FAH: variants seen among roughly 807,000 people sequenced by gnomAD.
FAH encodes the protein fumarylacetoacetate hydrolase.
Under a neutral mutation model 55.8 loss-of-function variants are expected in FAH, and 47 were observed. That is an observed-to-expected ratio of 0.84 (90% CI 0.67 to 1.07). The LOEUF (loss-of-function observed/expected upper bound fraction) is 1.07. Among genes scored for constraint, FAH ranks in the 50% least tolerant of loss-of-function variants. FAH has a pLI of 0.00. For missense variants in FAH, 495 were observed against 545.9 expected (o/e 0.91, Z 0.93); for synonymous variants, 199 against 207.7 (o/e 0.96, Z 0.36).
chr15:80,172,458 T>G (rs2041249477), intron 8 of FAH, among the ~76,000 whole-genome samples: 1 of 152,104 alleles, frequency 6.6e-6, no homozygotes, highest in Non-Finnish European at 1.5e-5. Flanking sequence ...CTCGAGTGGC[T>G]AGGGACACGG....
intron 3 of FAH, 200 bp from the exon 4 acceptor site, chr15:80,160,210 T>C: frequency 1.5e-6 from 1 of 675,466 alleles, no homozygotes; most frequent in Non-Finnish European, 2.7e-6. Context: ...TCCCATTTCC[T>C]AGGGTAGAAT....
At chr15:80,167,771 A>G (rs1365353621) in intron 5 of FAH, among the ~76,000 whole-genome samples, 1 of 152,030 alleles carries the variant, frequency 6.6e-6, no homozygotes, top group Non-Finnish European at 1.5e-5. Context: ...GCCTCATGTG[A>G]TCTGCCCACC....
chr15:80,179,771 A>G (rs2041313961), intron 11 of FAH, among the ~76,000 whole-genome samples: 1 of 152,204 alleles, frequency 6.6e-6, no homozygotes, highest in African/African-American at 2.4e-5. Context: ...TTCCCAGGGC[A>G]GAGTGGAGTG....
At chr15:80,157,869 T>C (rs1346263124) in intron 1 of FAH, 191 bp from the exon 2 acceptor site, 1 of 622,868 alleles carries the variant, frequency 1.6e-6, no homozygotes, top group East Asian at 2.8e-5. Flanking sequence ...TTTTTCCTTT[T>C]AGTTCTGGAA....
At chr15:80,172,027 G>A (rs776631513) in intron 7 of FAH, 122 bp from the exon 8 acceptor site, 1 of 786,456 alleles carries the variant, frequency 1.3e-6, no homozygotes, top group South Asian at 1.4e-5. Flanking sequence ...TTCATGCCAG[G>A]CCCCTGTGGC....
chr15:80,175,177 C>T, intron 10 of FAH, 86 bp downstream of exon 10: 1 of 1,266,502 alleles, frequency 7.9e-7, no homozygotes, highest in Admixed American at 1.7e-5. Context: ...TGAGCTTTGG[C>T]AAGGGTGAGG....
chr15:80,169,298 G>A (rs1183793230), intron 7 of FAH, among the ~76,000 whole-genome samples: 7 of 151,996 alleles, frequency 4.6e-5, no homozygotes, highest in South Asian at 2.1e-4. Context: ...CAGGAGAATC[G>A]CTTGAACTGA....
intron 1 of FAH, among the ~76,000 whole-genome samples, chr15:80,154,204 A>G (rs1393214867): frequency 6.6e-6 from 1 of 152,230 alleles, no homozygotes; most frequent in African/African-American, 2.4e-5. Context: ...TGTGATGGCC[A>G]ACAACCTTTC....
intron 6 of FAH, 39 bp downstream of exon 6, chr15:80,168,188 C>T (rs752167534): frequency 1.2e-6 from 2 of 1,610,052 alleles, no homozygotes; most frequent in Non-Finnish European, 1.7e-6. Flanking sequence ...TGGTACCCAG[C>T]TCTCTGTTCC....
chr15:80,162,189 C>T, intron 4 of FAH, 57 bp from the exon 5 acceptor site: 2 of 1,350,788 alleles, frequency 1.5e-6, no homozygotes, highest in Non-Finnish European at 2.1e-6. Context: ...TGGAACAGTC[C>T]ATTCTTCCTG....
chr15:80,161,801 T>G (rs1043670491), intron 4 of FAH, among the ~76,000 whole-genome samples: 1 of 152,162 alleles, frequency 6.6e-6, no homozygotes, highest in Non-Finnish European at 1.5e-5. Context: ...GAAGAGATCC[T>G]GCTAGAGAGA....
chr15:80,158,372 A>T (rs542808256), intron 2 of FAH, among the ~76,000 whole-genome samples: 1 of 152,264 alleles, frequency 6.6e-6, no homozygotes, highest in South Asian at 2.1e-4. Context: ...GTGGCTTCTC[A>T]CCTCAGGGCG....
At chr15:80,174,843 C>T (rs895654231) in intron 9 of FAH, among the ~76,000 whole-genome samples, 173 bp from the exon 10 acceptor site, 4 of 149,492 alleles carry the variant, frequency 2.7e-5, no homozygotes, top group Non-Finnish European at 6.0e-5. Context: ...ATGATCCCCC[C>T]TACTGCTATC....
chr15:80,185,523 CT>C (rs2041362988), intron 13 of FAH, among the ~76,000 whole-genome samples: 1 of 152,228 alleles, frequency 6.6e-6, no homozygotes, highest in African/African-American at 2.4e-5. Flanking sequence ...TGTTTTCACA[CT>C]GCTGATAAAG....
rs2041133432 is a variant in FAH, at chr15:80,159,862, C to A, written c.299C>A (p.Thr100Asn). 6.2e-7 allele frequency: 1 copy of A among 1,614,078 alleles called. No individual in the cohort carries two copies. The highest frequency in any genetic ancestry group is 1.3e-5 in the African/African-American group (1 of 74,936). Residue 100 changes from threonine (T) to asparagine (N), a missense_variant, in exon 3 of 14, where the codon ACC becomes AAC. By Grantham distance (65) the Thr-to-Asn change is moderately conservative. Coordinates refer to ENST00000561421, the MANE Select transcript of FAH (RefSeq NM_000137.4). The stretch of plus-strand genomic sequence containing the variant: ...AGCCAAGCCAGGCTCAGAGATGACA[C>A]CGAACTTCGGAAGTGGTGAGAAGCA... ...SVSQARLRDDTELRKCAFISQ... is the reference protein window; with the variant it reads ...SVSQARLRDDNELRKCAFISQ...
At chr15:80,160,349 C>T (rs372885222) in intron 3 of FAH, 61 bp from the exon 4 acceptor site, 142 of 1,541,512 alleles carry the variant, frequency 9.2e-5, no homozygotes, top group Middle Eastern at 1.7e-4. Context: ...GGGCTGAGCC[C>T]GTGGGTGGGA....
At chr15:80,180,424 G>T (rs2041321424) in intron 12 of FAH, 199 bp downstream of exon 12, 1 of 591,568 alleles carries the variant, frequency 1.7e-6, no homozygotes, top group African/African-American at 1.8e-5. Context: ...AGAGACTGGT[G>T]TGAGAACGGA....
intron 10 of FAH, 104 bp from the exon 11 acceptor site, chr15:80,177,433 A>T: frequency 1.9e-6 from 2 of 1,041,320 alleles, no homozygotes; most frequent in Middle Eastern, 2.1e-4. Flanking sequence ...AAGTGAAATC[A>T]TGTTGGACAA....
intron 9 of FAH, among the ~76,000 whole-genome samples, chr15:80,173,940 T>A (rs2041261893): frequency 6.6e-6 from 1 of 152,168 alleles, no homozygotes; most frequent in Admixed American, 6.5e-5. Flanking sequence ...TGGGGGCCTC[T>A]ACCAACACCC....
Sources: gnomAD v4.1 joint callset for allele counts (sites outside exome capture counted in the v4.1 genomes callset) on GRCh38, gnomAD v4.1.1 for gene constraint, MANE v1.5 for transcripts, NCBI Gene and HGNC (gene_info 2026-07-23, HGNC 2026-07-21) for gene names.